ZNF804B: variants seen among roughly 807,000 people sequenced by gnomAD.
ZNF804B encodes the protein zinc finger 804B.
Under a neutral mutation model 101.4 loss-of-function variants are expected in ZNF804B, and 80 were observed. That is an observed-to-expected ratio of 0.79 (90% CI 0.66 to 0.95). The LOEUF is 0.95. ZNF804B is among the 40% of genes least tolerant of loss of function. ZNF804B has a pLI of 0.00. For missense variants in ZNF804B, 1,673 were observed against 1,561.9 expected, an observed-to-expected ratio of 1.07 and a Z score of -1.20; for synonymous variants, 622 against 558.8, an observed-to-expected ratio of 1.11 and a Z score of -1.59.
At chr7:89,030,857 C>T (rs1788820558) in intron 1 of ZNF804B, among the ~76,000 whole-genome samples, 2 of 152,196 alleles carry the variant, frequency 1.3e-5, no homozygotes, top group South Asian at 4.2e-4. Flanking sequence ...CAATATTATG[C>T]TCCAGCTATA....
intron 1 of ZNF804B, among the ~76,000 whole-genome samples, chr7:88,998,888 G>A (rs554665892): frequency 4.6e-5 from 7 of 151,932 alleles, no homozygotes; most frequent in Non-Finnish European, 7.4e-5. Flanking sequence ...ATATTTCTCA[G>A]TAAAATAGGG....
intron 1 of ZNF804B, among the ~76,000 whole-genome samples, chr7:88,962,708 C>CATATATATATATATAT (rs71120046): frequency 9.5e-5 from 8 of 84,170 alleles, no homozygotes; most frequent in Admixed American, 1.3e-4. Context: ...GTTAAACTCA[C>CATATATATATATATAT]ATATATATAT....
At chr7:89,135,382 A>G (rs1391149515) in intron 1 of ZNF804B, among the ~76,000 whole-genome samples, 1 of 152,058 alleles carries the variant, frequency 6.6e-6, no homozygotes, top group Middle Eastern at 3.2e-3. Flanking sequence ...CTGCATGATC[A>G]CCTACTAAGT....
chr7:88,917,379 G>A (rs2115989499), intron 1 of ZNF804B, among the ~76,000 whole-genome samples: 1 of 152,244 alleles, frequency 6.6e-6, no homozygotes, highest in East Asian at 1.9e-4. Context: ...TTTTGTCAAG[G>A]CTGCAGTTGT....
intron 2 of ZNF804B, among the ~76,000 whole-genome samples, chr7:89,298,437 T>A (rs773795716): frequency 6.0e-5 from 9 of 150,000 alleles, no homozygotes; most frequent in Non-Finnish European, 1.0e-4. Context: ...CCTCTATTTC[T>A]ATAATCAGCA....
At chr7:88,961,429 T>G (rs899963771) in intron 1 of ZNF804B, among the ~76,000 whole-genome samples, 1 of 151,438 alleles carries the variant, frequency 6.6e-6, no homozygotes, top group Non-Finnish European at 1.5e-5. Flanking sequence ...GAAGATTGAT[T>G]GCTGTCCTGC....
chr7:88,874,877 C>T (rs1791902139), intron 1 of ZNF804B, among the ~76,000 whole-genome samples: 1 of 147,640 alleles, frequency 6.8e-6, no homozygotes, highest in African/African-American at 2.6e-5. Flanking sequence ...CACCACACCA[C>T]ACCTATTCCA....
At chr7:89,196,516 A>T (rs765674977) in intron 1 of ZNF804B, among the ~76,000 whole-genome samples, 1 of 152,158 alleles carries the variant, frequency 6.6e-6, no homozygotes, top group Non-Finnish European at 1.5e-5. Flanking sequence ...ACCCAAAACC[A>T]TAAAAACCCA....
At chr7:88,857,832 T>TTTC (rs1791592634) in intron 1 of ZNF804B, among the ~76,000 whole-genome samples, 2 of 127,316 alleles carry the variant, frequency 1.6e-5, no homozygotes, top group Non-Finnish European at 3.3e-5. Context: ...CTTTTTTTTT[T>TTTC]TTTTTTTTTT....
chr7:89,004,427 T>C (rs1022834750), intron 1 of ZNF804B, among the ~76,000 whole-genome samples: 12 of 151,974 alleles, frequency 7.9e-5, no homozygotes, highest in African/African-American at 2.9e-4. Flanking sequence ...ACACAGGGAA[T>C]GTGACTTTAT....
intron 1 of ZNF804B, among the ~76,000 whole-genome samples, chr7:88,782,857 A>G (rs1421110592): frequency 6.6e-6 from 1 of 152,066 alleles, no homozygotes; most frequent in African/African-American, 2.4e-5. Context: ...TCTTCCTAAG[A>G]ATCATCGCAC....
chr7:89,273,662 A>T (rs570078926), intron 2 of ZNF804B, among the ~76,000 whole-genome samples: 1 of 152,162 alleles, frequency 6.6e-6, no homozygotes, highest in African/African-American at 2.4e-5. Context: ...AGCTTGTTTT[A>T]TAACTATCAC....
intron 1 of ZNF804B, among the ~76,000 whole-genome samples, chr7:88,929,834 A>T (rs915600747): frequency 6.6e-6 from 1 of 151,994 alleles, no homozygotes; most frequent in Non-Finnish European, 1.5e-5. Context: ...GATTTAGTTT[A>T]TAAAAAATCC....
intron 1 of ZNF804B, among the ~76,000 whole-genome samples, chr7:88,996,917 C>T (rs1788209212): frequency 6.6e-6 from 1 of 151,974 alleles, no homozygotes; most frequent in Admixed American, 6.6e-5. Flanking sequence ...TCTGGAGTTT[C>T]CTTCCATCAG....
intron 1 of ZNF804B, among the ~76,000 whole-genome samples, chr7:89,065,166 A>G (rs1310722757): frequency 6.6e-6 from 1 of 152,156 alleles, no homozygotes; most frequent in African/African-American, 2.4e-5. Flanking sequence ...CCTCTAGGTC[A>G]TGTGAGCAAG....
At chr7:89,250,922 G>A (rs1789529945) in intron 2 of ZNF804B, among the ~76,000 whole-genome samples, 1 of 152,070 alleles carries the variant, frequency 6.6e-6, no homozygotes, top group Non-Finnish European at 1.5e-5. Flanking sequence ...AAGGAACTAG[G>A]CATCAAAAGA....
intron 1 of ZNF804B, among the ~76,000 whole-genome samples, chr7:88,969,887 T>C (rs1793506605): frequency 6.6e-6 from 1 of 151,524 alleles, no homozygotes; most frequent in Non-Finnish European, 1.5e-5. Context: ...TCGCTTAGTA[T>C]TGTAATATAA....
At chr7:89,317,581 T>C (rs1288557929) in intron 2 of ZNF804B, among the ~76,000 whole-genome samples, 1 of 152,150 alleles carries the variant, frequency 6.6e-6, no homozygotes, top group Non-Finnish European at 1.5e-5. Context: ...AAAAGACAGA[T>C]GGAGTGATAA....
chr7:88,776,560 G>T (rs6950020), intron 1 of ZNF804B, among the ~76,000 whole-genome samples: 26,930 of 73,618 alleles, frequency 0.37, 3,395 homozygotes, highest in African/African-American at 0.48. Flanking sequence ...GTGGTGTTTT[G>T]TTTTTTTTTT....
Sources: gnomAD v4.1 joint callset for allele counts (sites outside exome capture counted in the v4.1 genomes callset) on GRCh38, gnomAD v4.1.1 for gene constraint, MANE v1.5 for transcripts, NCBI Gene and HGNC (gene_info 2026-07-23, HGNC 2026-07-21) for gene names.